RUNX1: variants seen among roughly 807,000 people sequenced by gnomAD.
The protein encoded by RUNX1 is RUNX family transcription factor 1, also known as runt-related transcription factor 1.
Under a neutral mutation model 42.8 loss-of-function variants are expected in RUNX1, and 19 were observed. That is an observed-to-expected ratio of 0.44 (90% CI 0.31 to 0.65). The LOEUF is 0.65. Among genes scored for constraint, RUNX1 ranks in the 30% least tolerant of loss-of-function variants. The pLI, the probability that RUNX1 is intolerant of heterozygous loss-of-function variation, is 0.07. For synonymous variants in RUNX1, 271 were observed against 289.4 expected (o/e 0.94, Z 0.64); for missense variants, 528 against 672.0 (o/e 0.79, Z 2.37).
intron 2 of RUNX1, among the ~76,000 whole-genome samples, chr21:35,043,583 G>A (rs751539186): frequency 6.6e-6 from 1 of 152,128 alleles, no homozygotes; most frequent in Non-Finnish European, 1.5e-5. Flanking sequence ...TGTGTTTTAT[G>A]GTACCTCTTT....
chr21:34,795,548 G>A (rs1450385035), intron 8 of RUNX1, among the ~76,000 whole-genome samples: 2 of 152,218 alleles, frequency 1.3e-5, no homozygotes, highest in African/African-American at 4.8e-5. Flanking sequence ...CCAGGAGTCT[G>A]ACTTTCAAAC....
chr21:34,873,936 G>A (rs1173842713), intron 5 of RUNX1, among the ~76,000 whole-genome samples: 1 of 152,204 alleles, frequency 6.6e-6, no homozygotes, highest in Admixed American at 6.5e-5. Context: ...TGCCCCGCCA[G>A]GGAGCCGACA....
chr21:34,908,618 A>T (rs1307774846), intron 2 of RUNX1, among the ~76,000 whole-genome samples: 2 of 152,192 alleles, frequency 1.3e-5, no homozygotes, highest in Non-Finnish European at 2.9e-5. Context: ...TGTGAAGGCC[A>T]GATAAAGACT....
At chr21:34,916,441 G>A (rs550302395) in intron 2 of RUNX1, among the ~76,000 whole-genome samples, 99 of 152,276 alleles carry the variant, frequency 6.5e-4, no homozygotes, top group African/African-American at 2.1e-3. Flanking sequence ...TAAATGCACA[G>A]TCTAGTGGAA....
chr21:34,942,480 T>C (rs1439483931), intron 2 of RUNX1, among the ~76,000 whole-genome samples: 1 of 152,238 alleles, frequency 6.6e-6, no homozygotes, highest in African/African-American at 2.4e-5. Flanking sequence ...CTTTCTTCCC[T>C]CTGCTCTGAG....
chr21:34,911,546 G>A (rs1396693252), intron 2 of RUNX1, among the ~76,000 whole-genome samples: 6 of 152,174 alleles, frequency 3.9e-5, no homozygotes, highest in African/African-American at 1.2e-4. Flanking sequence ...CCTGGGCAGC[G>A]AATGTCTCCT....
rs141708368 is a variant in RUNX1, at chr21:34,826,576, T to G, written c.805+7834A>C. On this transcript the variant is annotated intron_variant, in intron 7 of 8. Coordinates refer to ENST00000675419, the MANE Select transcript of RUNX1 (RefSeq NM_001754.5). ...CCTCAGCCTCCCGGGTAACTAGGAC[T>G]CAGGTGTGTGCCACCATGCCCAGCT... Among the ~76,000 whole-genome samples, 35 of 151,308 alleles carry G rather than the reference T, an allele frequency of 2.3e-4. 1 individual carries two copies. In the East Asian group the frequency reaches 2.9e-3, roughly 13 times the overall value.
intron 2 of RUNX1, among the ~76,000 whole-genome samples, chr21:35,020,213 T>C (rs2059188460): frequency 6.6e-6 from 1 of 152,160 alleles, no homozygotes; most frequent in African/African-American, 2.4e-5. Context: ...TAGAAAGTTT[T>C]CATTAGTTCC....
Position 35,038,750 on chromosome 21 carries a change from A to T in RUNX1, c.58+10092T>A, listed in dbSNP as rs1411764672. The T allele has an allele frequency of 1.1e-4, 48 of 455,918 alleles. No individual in the cohort carries two copies. In the Admixed American group the frequency reaches 1.1e-3, roughly 11 times the overall value. 28.2% of individuals were successfully genotyped at this position (455,918 alleles called of 1,614,324 possible). Reference sequence around the variant, plus strand: ...AGCATATATATCCCTAATGGGAATTATAGTTTGGGTTCCAATTTTTATACA... The same window carrying T: ...AGCATATATATCCCTAATGGGAATTTTAGTTTGGGTTCCAATTTTTATACA... On this transcript the variant is annotated intron_variant, in intron 2 of 8. Transcript: ENST00000675419.
At chr21:34,832,360 C>G (rs1163672643) in intron 7 of RUNX1, among the ~76,000 whole-genome samples, 1 of 152,144 alleles carries the variant, frequency 6.6e-6, no homozygotes, top group Non-Finnish European at 1.5e-5. Context: ...TAGATTCACT[C>G]TTCACCAAGA....
rs1180830348 is a variant in RUNX1 at position 34,903,027 on chromosome 21, C to T, written c.59-10064G>A. 2.0e-5 allele frequency among the ~76,000 whole-genome samples: 3 copies of T among 152,090 alleles called. No individual in the cohort carries two copies. The East Asian group carries it at 5.8e-4, about 29-fold the overall frequency. Reference sequence around the variant, plus strand: ...TTTCTCTAATTTCACATAAGTATTGCCTGTTTTAAAAAGCAGATTCAAGAA... The same window carrying T: ...TTTCTCTAATTTCACATAAGTATTGTCTGTTTTAAAAAGCAGATTCAAGAA... On this transcript the variant is annotated intron_variant, in intron 2 of 8. Transcript: ENST00000675419.
intron 7 of RUNX1, among the ~76,000 whole-genome samples, chr21:34,825,838 A>G (rs2056979033): frequency 6.6e-6 from 1 of 152,260 alleles, no homozygotes; most frequent in Non-Finnish European, 1.5e-5. Context: ...ATCCTTAGAC[A>G]AAAGAGATGA....
intron 7 of RUNX1, 85 bp downstream of exon 7, chr21:34,834,325 G>A: frequency 5.0e-6 from 7 of 1,386,296 alleles, no homozygotes; most frequent in Non-Finnish European, 7.2e-6. Flanking sequence ...CAGTTGGTCT[G>A]GGAAGGTGTG....
At chr21:34,868,085 C>T (rs1052939217) in intron 5 of RUNX1, among the ~76,000 whole-genome samples, 6 of 152,156 alleles carry the variant, frequency 3.9e-5, no homozygotes, top group Non-Finnish European at 5.9e-5. Flanking sequence ...TGCTCACCAG[C>T]CTTGCAGCAC....
At chr21:35,045,726 A>G (rs2059391361) in intron 2 of RUNX1, among the ~76,000 whole-genome samples, 1 of 152,190 alleles carries the variant, frequency 6.6e-6, no homozygotes, top group Non-Finnish European at 1.5e-5. Flanking sequence ...GTCAAGCCAG[A>G]AGAAGTGTCT....
chr21:34,983,912 G>A (rs1304033850), intron 2 of RUNX1, among the ~76,000 whole-genome samples: 1 of 152,212 alleles, frequency 6.6e-6, no homozygotes, highest in African/African-American at 2.4e-5. Flanking sequence ...AGGGGCCAAT[G>A]GTGCTGCTGC....
intron 7 of RUNX1, among the ~76,000 whole-genome samples, chr21:34,822,577 C>T (rs527769725): frequency 9.9e-5 from 15 of 152,268 alleles, no homozygotes; most frequent in East Asian, 3.9e-4. Flanking sequence ...CCAACAGAAG[C>T]GCATCTTAAA....
At chr21:34,870,846 T>C (rs2057726281) in intron 5 of RUNX1, among the ~76,000 whole-genome samples, 1 of 151,936 alleles carries the variant, frequency 6.6e-6, no homozygotes, top group Non-Finnish European at 1.5e-5. Context: ...TAATCCCAGC[T>C]ACTTGGGAGG....
intron 5 of RUNX1, among the ~76,000 whole-genome samples, chr21:34,876,839 T>G (rs2057820890): frequency 6.7e-6 from 1 of 149,082 alleles, no homozygotes; most frequent in African/African-American, 2.5e-5. Context: ...GTCACAGATT[T>G]CATTGCTAAA....
Sources: allele counts gnomAD v4.1 joint callset (sites outside exome capture counted in the v4.1 genomes callset), GRCh38; gene constraint gnomAD v4.1.1; transcripts MANE v1.5; gene names NCBI Gene and HGNC (gene_info 2026-07-23, HGNC 2026-07-21).